Variants in PTPRA observed in about 807,000 individuals in gnomAD.
The protein encoded by PTPRA is receptor-type tyrosine-protein phosphatase alpha.
Under a neutral mutation model 104.8 loss-of-function variants are expected in PTPRA, and 25 were observed. That is an observed-to-expected ratio of 0.24 (90% CI 0.17 to 0.33). The LOEUF (loss-of-function observed/expected upper bound fraction) is 0.33. PTPRA is among the 10% of genes least tolerant of loss of function. The probability of loss-of-function intolerance (pLI) is 1.00; values close to 1 mark genes in which losing one functional copy is unlikely to be tolerated. For missense variants in PTPRA, 765 were observed against 1,015.3 expected (o/e 0.75, Z 3.35); for synonymous variants, 323 against 368.9 (o/e 0.88, Z 1.43).
At chr20:2,943,997 A>C (rs1401072689) in intron 2 of PTPRA, among the ~76,000 whole-genome samples, 2 of 151,790 alleles carry the variant, frequency 1.3e-5, no homozygotes, top group Non-Finnish European at 2.9e-5. Context: ...AATTCTGTGA[A>C]TATCAATCAA....
At chr20:2,880,268 AT>A (rs1476282226) in intron 1 of PTPRA, among the ~76,000 whole-genome samples, 37 of 152,322 alleles carry the variant, frequency 2.4e-4, no homozygotes, top group African/African-American at 7.9e-4. Flanking sequence ...AGAACTTTTT[AT>A]TGTTTTTATC....
intron 1 of PTPRA, among the ~76,000 whole-genome samples, chr20:2,907,009 T>G (rs1272140874): frequency 6.6e-6 from 1 of 152,208 alleles, no homozygotes; most frequent in African/African-American, 2.4e-5. Flanking sequence ...TAGTGTGAGC[T>G]AAGAAACTAT....
Position 3,021,866 on chromosome 20 carries a change from G to C in PTPRA, c.1162-188G>C, listed in dbSNP as rs76307441. ...TACTGCGAAAAGAGGACTTAGCTGG[G>C]AGCACTGCATTTTAGTTCTGACCCT... On this transcript the variant is annotated intron_variant, in intron 14 of 23. Coordinates refer to ENST00000399903, the MANE Select transcript of PTPRA (RefSeq NM_001385305.1). 4.9e-3 allele frequency among the ~76,000 whole-genome samples: 739 copies of C among 152,316 alleles called. 7 individuals carry two copies. The highest frequency in any genetic ancestry group is 0.017 in the African/African-American group (690 of 41,568).
intron 6 of PTPRA, among the ~76,000 whole-genome samples, chr20:2,984,020 C>T (rs781576915): frequency 1.3e-5 from 2 of 151,428 alleles, no homozygotes; most frequent in Non-Finnish European, 2.9e-5. Flanking sequence ...GATGGGCAGA[C>T]GAGATAGAAG....
intron 1 of PTPRA, among the ~76,000 whole-genome samples, chr20:2,909,128 G>A (rs2059532061): frequency 6.6e-6 from 1 of 152,136 alleles, no homozygotes; most frequent in Non-Finnish European, 1.5e-5. Context: ...CATTTATTAA[G>A]TAGTTATGTG....
At chr20:2,887,158 A>G (rs551216598) in intron 1 of PTPRA, among the ~76,000 whole-genome samples, 1 of 152,348 alleles carries the variant, frequency 6.6e-6, no homozygotes, top group African/African-American at 2.4e-5. Context: ...ATATTTAATC[A>G]TATGGATTGC....
intron 3 of PTPRA, among the ~76,000 whole-genome samples, chr20:2,953,888 G>C (rs1302920997): frequency 6.6e-6 from 1 of 151,542 alleles, no homozygotes; most frequent in African/African-American, 2.4e-5. Flanking sequence ...ACCATGCACA[G>C]CCAGGGTTTT....
In PTPRA at chr20:3,024,554, C is replaced by T. The variant is rs1568704490; in HGVS notation, c.1547C>T (p.Thr516Ile). 1.2e-6 allele frequency: 2 copies of T among 1,614,054 alleles called. No individual in the cohort carries two copies. The highest frequency in any genetic ancestry group is 1.7e-6 in the Non-Finnish European group (2 of 1,179,972). Reference sequence around the variant, plus strand: ...GAACTGGAAGTGACCTCTCTAGAAACCCACCTGCAGAAAATTTACAACAAA... The same window carrying T: ...GAACTGGAAGTGACCTCTCTAGAAATCCACCTGCAGAAAATTTACAACAAA... ...DTELEVTSLE[T>I]HLQKIYNKIP... is the part of the protein sequence containing the mutation. Residue 516 changes from threonine to isoleucine, a missense_variant, in exon 17 of 24, where the codon ACC (threonine) becomes ATC (isoleucine). Physicochemically the swap from Thr to Ile is moderately conservative, Grantham distance 89. This residue lies in a region of PTPRA where 192 missense variants were observed against 227.0 expected (regional missense o/e 0.85). Coordinates refer to ENST00000399903, the MANE Select transcript of PTPRA (RefSeq NM_001385305.1).
At chr20:3,031,878 A>G (rs138708045) in intron 20 of PTPRA, among the ~76,000 whole-genome samples, 100 of 152,176 alleles carry the variant, frequency 6.6e-4, no homozygotes, top group Non-Finnish European at 1.2e-3. Context: ...TCTTACTTTC[A>G]TAGCAAACTC....
In PTPRA at chr20:3,002,941, C is replaced by T. The variant is rs375925394; in HGVS notation, c.739-2115C>T. ...TCTGCGTGATACCTGCACTGATTTT[C>T]GGTTCCTCACACAACCAAGCCTTCT... is the stretch of plus-strand genomic sequence containing the variant. On this transcript the variant is annotated intron_variant, in intron 9 of 23. Coordinates refer to ENST00000399903, the MANE Select transcript of PTPRA (RefSeq NM_001385305.1). Among the ~76,000 whole-genome samples, 4 of 152,266 alleles carry T rather than the reference C, an allele frequency of 2.6e-5. No homozygotes were observed. In the East Asian group the frequency reaches 5.8e-4, roughly 22 times the overall value.
At chr20:2,924,060 A>C (rs1275571387) in intron 2 of PTPRA, among the ~76,000 whole-genome samples, 7 of 152,220 alleles carry the variant, frequency 4.6e-5, no homozygotes, top group African/African-American at 1.7e-4. Context: ...CTGCAGCTTT[A>C]TGTATTATAG....
chr20:2,878,329 C>T (rs192238871), intron 1 of PTPRA, among the ~76,000 whole-genome samples: 1 of 152,296 alleles, frequency 6.6e-6, no homozygotes, highest in East Asian at 1.9e-4. Context: ...CTTCCCATCT[C>T]AGCCACCTGA....
chr20:2,999,880 A>G (rs917873357), intron 9 of PTPRA, among the ~76,000 whole-genome samples: 3 of 152,250 alleles, frequency 2.0e-5, no homozygotes, highest in African/African-American at 7.2e-5. Context: ...CTGTTCATAA[A>G]TGATACCATA....
intron 1 of PTPRA, among the ~76,000 whole-genome samples, chr20:2,880,727 C>T (rs959928418): frequency 6.6e-6 from 1 of 152,070 alleles, no homozygotes; most frequent in Non-Finnish European, 1.5e-5. Context: ...TCCTTTTAAT[C>T]GTATGTAGAA....
the PTPRA span, chr20:2,865,808 G>A: frequency 2.1e-6 from 1 of 476,324 alleles, no homozygotes; most frequent in South Asian, 2.4e-5. This position sits in a 1 kb window ranked among gnomAD's most constrained non-coding sequence, Gnocchi z 5.2. Flanking sequence ...GGCACAGGGA[G>A]GGTGCATATG....
intron 1 of PTPRA, among the ~76,000 whole-genome samples, chr20:2,892,289 C>CAAAAA (rs34741114): frequency 3.7e-5 from 3 of 80,520 alleles, no homozygotes; most frequent in Non-Finnish European, 4.9e-5. Context: ...GACTCTGTCT[C>CAAAAA]AAAAAAAAAA....
chr20:2,864,275 G>A, the PTPRA span: 1 of 1,614,220 alleles, frequency 6.2e-7, no homozygotes, highest in East Asian at 2.2e-5. The surrounding 1 kb of genome is among the most constrained non-coding windows in gnomAD (Gnocchi z 5.2). Flanking sequence ...CGAGAGCGGG[G>A]ACACTGACCT....
At chr20:3,029,716 C>T (rs537921061) in intron 20 of PTPRA, among the ~76,000 whole-genome samples, 4 of 151,724 alleles carry the variant, frequency 2.6e-5, no homozygotes, top group East Asian at 1.9e-4. Flanking sequence ...TTTGTAGGCA[C>T]GGGGTTTCAC....
intron 11 of PTPRA, among the ~76,000 whole-genome samples, chr20:3,015,303 CTTTT>C (rs778457233): frequency 7.4e-6 from 1 of 134,636 alleles, no homozygotes. Flanking sequence ...CTTTCTTTTT[CTTTT>C]TTTTTTTTTT....
Sources: allele counts gnomAD v4.1 joint callset (sites outside exome capture counted in the v4.1 genomes callset), GRCh38; gene constraint gnomAD v4.1.1; regional missense constraint gnomAD v4.1.1; non-coding constraint Gnocchi (gnomAD v3.1); transcripts MANE v1.5; gene names NCBI Gene and HGNC (gene_info 2026-07-23, HGNC 2026-07-21).